Variants in PDZRN3 observed in about 807,000 individuals in gnomAD.
PDZRN3 encodes the protein E3 ubiquitin-protein ligase PDZRN3.
PDZRN3 carries 38 observed loss-of-function variants against 85.7 expected under a neutral mutation model. The ratio of observed to expected loss-of-function variants is 0.44; its 90% CI spans 0.34 to 0.58. The LOEUF (loss-of-function observed/expected upper bound fraction) is 0.58, where lower values mean the gene tolerates loss of function less well. Among genes scored for constraint, PDZRN3 ranks in the 20% least tolerant of loss-of-function variants. The probability of loss-of-function intolerance (pLI) is 0.01; values close to 1 mark genes in which losing one functional copy is unlikely to be tolerated. For synonymous variants in PDZRN3, 759 were observed against 638.0 expected (o/e 1.19, Z -2.86); for missense variants, 1,629 against 1,506.4 (o/e 1.08, Z -1.35).
At position 73,489,872 on chromosome 3, in the gene PDZRN3, G is replaced by A. The variant is rs145137343; in HGVS notation, c.919-85477C>T. 8.4e-3 allele frequency among the ~76,000 whole-genome samples: 1,277 copies of A among 152,028 alleles called. 26 individuals are homozygous for A. The highest frequency in any genetic ancestry group is 0.029 in the African/African-American group (1,191 of 41,456). On this transcript the variant is annotated intron_variant, in intron 3 of 9. Coordinates refer to ENST00000263666, the MANE Select transcript of PDZRN3 (RefSeq NM_015009.3). Reference sequence around the variant, plus strand: ...CAGGCGTGAGCCACCACGCCCGGCCGGTAGTTTCAAATATTCTCACAGGCA... The same window carrying A: ...CAGGCGTGAGCCACCACGCCCGGCCAGTAGTTTCAAATATTCTCACAGGCA...
chr3:73,511,443 G>A (rs1358903490), intron 3 of PDZRN3, among the ~76,000 whole-genome samples: 1 of 152,136 alleles, frequency 6.6e-6, no homozygotes, highest in Admixed American at 6.6e-5. Flanking sequence ...GTTTCCAGGG[G>A]GTGAACGTGG....
chr3:73,620,246 A>G (rs1293446151), intron 1 of PDZRN3, among the ~76,000 whole-genome samples: 1 of 152,270 alleles, frequency 6.6e-6, no homozygotes, highest in Non-Finnish European at 1.5e-5. Flanking sequence ...TAAAATCCGC[A>G]GGATTCAAAG....
intron 3 of PDZRN3, among the ~76,000 whole-genome samples, chr3:73,564,017 G>T (rs548287282): frequency 4.6e-4 from 70 of 152,012 alleles, no homozygotes; most frequent in African/African-American, 1.6e-3. Flanking sequence ...CTGGGCTTCT[G>T]GGCTGCTGTG....
At chr3:73,452,384 TCTC>T (rs1196211805) in intron 3 of PDZRN3, among the ~76,000 whole-genome samples, 2 of 152,312 alleles carry the variant, frequency 1.3e-5, no homozygotes, top group East Asian at 3.9e-4. Context: ...TTTGTTATCT[TCTC>T]CAAGAAATCA....
intron 3 of PDZRN3, among the ~76,000 whole-genome samples, chr3:73,409,648 T>C (rs1177103374): frequency 6.6e-6 from 1 of 152,146 alleles, no homozygotes; most frequent in Non-Finnish European, 1.5e-5. Flanking sequence ...CTACACACGA[T>C]GGAATGCTAG....
intron 6 of PDZRN3, 129 bp downstream of exon 6, chr3:73,390,889 G>A (rs1023401737): frequency 1.5e-6 from 1 of 654,984 alleles, no homozygotes; most frequent in Admixed American, 2.4e-5. Flanking sequence ...GGAGTGTGAT[G>A]AGGGGGACAG....
chr3:73,486,344 A>G (rs1219966943), intron 3 of PDZRN3, among the ~76,000 whole-genome samples: 8 of 151,962 alleles, frequency 5.3e-5, no homozygotes, highest in Admixed American at 3.3e-4. Context: ...GGGGATTCCC[A>G]TGGCTTTGGA....
intron 3 of PDZRN3, among the ~76,000 whole-genome samples, chr3:73,416,812 T>G (rs1195377206): frequency 1.3e-5 from 2 of 151,390 alleles, no homozygotes; most frequent in Non-Finnish European, 3.0e-5. Flanking sequence ...AGAACCATAT[T>G]AAAAAATCCA....
At chr3:73,507,591 CTG>C (rs1704090328) in intron 3 of PDZRN3, among the ~76,000 whole-genome samples, 1 of 152,186 alleles carries the variant, frequency 6.6e-6, no homozygotes, top group Non-Finnish European at 1.5e-5. Flanking sequence ...AGAAATGAAA[CTG>C]TATCACTTCT....
intron 3 of PDZRN3, among the ~76,000 whole-genome samples, chr3:73,567,829 T>C (rs976844343): frequency 6.6e-6 from 1 of 152,180 alleles, no homozygotes; most frequent in Non-Finnish European, 1.5e-5. Context: ...GGCACCTCCC[T>C]AGGGCAACAG....
intron 2 of PDZRN3, among the ~76,000 whole-genome samples, chr3:73,607,272 G>A (rs1056442099): frequency 3.9e-5 from 6 of 152,108 alleles, no homozygotes; most frequent in Non-Finnish European, 7.3e-5. Context: ...CCTTTTGTAC[G>A]TAACTTTTTA....
intron 3 of PDZRN3, among the ~76,000 whole-genome samples, chr3:73,419,421 A>T (rs540608637): frequency 6.6e-6 from 1 of 152,288 alleles, no homozygotes; most frequent in Admixed American, 6.5e-5. Context: ...GCTTTGTCTC[A>T]GCAAAATGGT....
intron 3 of PDZRN3, chr3:73,433,682 T>C: frequency 6.5e-7 from 1 of 1,536,142 alleles, no homozygotes; most frequent in Non-Finnish European, 8.7e-7. Context: ...CTCTTGCTTC[T>C]GCAGGCTGCA....
At chr3:73,581,804 T>TG (rs1702205489) in intron 3 of PDZRN3, among the ~76,000 whole-genome samples, 1 of 145,436 alleles carries the variant, frequency 6.9e-6, no homozygotes, top group Non-Finnish European at 1.5e-5. Context: ...AGACAATGAT[T>TG]AAAAAAAAAA....
intron 3 of PDZRN3, among the ~76,000 whole-genome samples, chr3:73,424,330 G>C (rs997868897): frequency 4.7e-5 from 6 of 126,618 alleles, no homozygotes; most frequent in African/African-American, 1.8e-4. Flanking sequence ...AGGAGATTGA[G>C]ACCATCCTGG....
chr3:73,514,573 T>C (rs1358401014), intron 3 of PDZRN3, among the ~76,000 whole-genome samples: 1 of 152,214 alleles, frequency 6.6e-6, no homozygotes. Flanking sequence ...ATATATGATG[T>C]AAGAAATTTC....
At chr3:73,423,299 G>T (rs1165112253) in intron 3 of PDZRN3, among the ~76,000 whole-genome samples, 1 of 152,176 alleles carries the variant, frequency 6.6e-6, no homozygotes, top group Non-Finnish European at 1.5e-5. Context: ...CTAATGTTAT[G>T]TGCCACAACC....
intron 3 of PDZRN3, among the ~76,000 whole-genome samples, chr3:73,510,638 T>C (rs1209126320): frequency 3.3e-5 from 5 of 152,132 alleles, no homozygotes; most frequent in Admixed American, 3.3e-4. Flanking sequence ...AGGAGGTAGA[T>C]CCAAGGACAG....
intron 3 of PDZRN3, among the ~76,000 whole-genome samples, chr3:73,552,191 T>C (rs1045059572): frequency 1.3e-5 from 2 of 151,892 alleles, no homozygotes; most frequent in South Asian, 2.1e-4. Context: ...CCCACCTAAA[T>C]GTTGCCTCTT....
Sources: gnomAD v4.1 joint callset for allele counts (sites outside exome capture counted in the v4.1 genomes callset) on GRCh38, gnomAD v4.1.1 for gene constraint, MANE v1.5 for transcripts, NCBI Gene and HGNC (gene_info 2026-07-23, HGNC 2026-07-21) for gene names.